The following MED12L variants were observed in gnomAD, a reference collection of about 807,000 sequenced individuals.
MED12L encodes the protein mediator complex subunit 12L.
Under a neutral mutation model 281.3 loss-of-function variants are expected in MED12L, and 60 were observed. The observed-to-expected ratio is 0.21, with a 90% CI of 0.17 to 0.26. The LOEUF is 0.26. Ranked by LOEUF, MED12L falls within the 10% of genes least tolerant of loss-of-function variation. The pLI, the probability that MED12L is intolerant of heterozygous loss-of-function variation, is 1.00. For missense variants in MED12L, 2,146 were observed against 2,680.9 expected (o/e 0.80, Z 4.41); for synonymous variants, 974 against 987.2 (o/e 0.99, Z 0.25).
chr3:151,201,250 C>T (rs942239343), intron 16 of MED12L, among the ~76,000 whole-genome samples: 2 of 152,122 alleles, frequency 1.3e-5, no homozygotes, highest in Admixed American at 6.5e-5. Flanking sequence ...CTCTCTCACA[C>T]GCACATTTAA....
chr3:151,323,742 A>G (rs1023941727), intron 16 of MED12L, among the ~76,000 whole-genome samples: 3 of 152,150 alleles, frequency 2.0e-5, no homozygotes, highest in Admixed American at 1.3e-4. Context: ...GTTCCTTACC[A>G]GTGTTCACCT....
chr3:151,207,075 C>T (rs373758146), intron 16 of MED12L, among the ~76,000 whole-genome samples: 79 of 145,746 alleles, frequency 5.4e-4, no homozygotes, highest in African/African-American at 1.9e-3. Context: ...AAGACAGGGT[C>T]GTCTTACGTT....
At chr3:151,280,412 C>A (rs901164959) in intron 16 of MED12L, among the ~76,000 whole-genome samples, 7 of 152,158 alleles carry the variant, frequency 4.6e-5, no homozygotes, top group African/African-American at 1.7e-4. Flanking sequence ...ACTTCTTCCC[C>A]ACCTTTTTCT....
At position 151,190,736 on chromosome 3, in the gene MED12L, T is replaced by C; in HGVS notation, c.1773T>C (p.Cys591=). 1 of 1,614,152 alleles carries C rather than the reference T, an allele frequency of 6.2e-7. No individual in the cohort carries two copies. Among genetic ancestry groups the C allele is most frequent in the Non-Finnish European group, 8.5e-7 (1 of 1,180,028 alleles). ...CTATAGCGGACCCAAACAGTGAATG[T>C]GAAAAGGTGGAATTTGTGAACCTGG... is the stretch of plus-strand genomic sequence containing the variant. The part of the protein sequence containing the change: ...APSLSDPNSE[C]EKVEFVNLVL... The change falls in exon 14 of 45, where the codon TGT becomes TGC. Residue 591 remains cysteine, a synonymous_variant. Transcript: ENST00000687756.
rs1436818421 is a variant in MED12L, at chr3:151,432,798, C to G, written c.6537C>G (p.His2179Gln). 1.2e-6 allele frequency: 2 copies of G among 1,612,702 alleles called. No homozygotes were observed. The highest frequency in any genetic ancestry group is 3.3e-5 in the Admixed American group (2 of 59,900). Residue 2179 changes from histidine to glutamine, a missense_variant, in exon 45 of 45, where the codon CAC becomes CAG. By Grantham distance (24) the His-to-Gln change is conservative (BLOSUM62 0). Around this residue, in one of 9 missense-constraint regions of MED12L, gnomAD observed 25 missense variants for 24.9 expected, o/e 1.00. Transcript: ENST00000687756. ...TGACTCCGTATGGGCATCCTTCACACTTCTGAATCTGCAAGAGGAGAAGAC... is the reference window on the plus strand; with the variant it reads ...TGACTCCGTATGGGCATCCTTCACAGTTCTGAATCTGCAAGAGGAGAAGAC... ...QGVTPYGHPSHF is the reference protein window; with the variant it reads ...QGVTPYGHPSQF
chr3:151,248,327 C>T (rs1427938602), intron 16 of MED12L, among the ~76,000 whole-genome samples: 1 of 152,082 alleles, frequency 6.6e-6, no homozygotes, highest in Non-Finnish European at 1.5e-5. Flanking sequence ...GTGACCCATG[C>T]ATTTAATATT....
chr3:151,322,661 A>G (rs1000870487), intron 16 of MED12L, among the ~76,000 whole-genome samples: 17 of 152,142 alleles, frequency 1.1e-4, no homozygotes, highest in African/African-American at 3.9e-4. Flanking sequence ...TTTAGAGTGT[A>G]TAATTCTGTT....
Position 151,411,232 on chromosome 3 carries a change from G to C in MED12L, c.5911-46G>C, listed in dbSNP as rs202155743. 721 of 1,533,106 alleles carry C rather than the reference G, an allele frequency of 4.7e-4. 4 individuals carry two copies. Among genetic ancestry groups the C allele is most frequent in the Middle Eastern group, 2.5e-3 (15 of 5,908 alleles). The allele number at this position is 1,533,106 out of a possible 1,614,324, so 95.0% of individuals were successfully genotyped here. A position where few individuals can be genotyped will look rare whatever the true frequency, so the allele number is the denominator to read the frequency against. On this transcript the variant is annotated intron_variant, in intron 40 of 44. Transcript: ENST00000687756. ...ATATATCGTAGTGATGGGAAAGCTA[G>C]GTGATAAGTTGAAACATTGACTTCT...
chr3:151,413,432 A>G, intron 42 of MED12L, 137 bp downstream of exon 42: 1 of 1,059,138 alleles, frequency 9.4e-7, no homozygotes, highest in Non-Finnish European at 1.3e-6. Context: ...GCTAGGAGCT[A>G]CATTGGTACA....
chr3:151,368,039 A>T, intron 24 of MED12L, 111 bp from the exon 25 acceptor site: 1 of 963,122 alleles, frequency 1.0e-6, no homozygotes, highest in Non-Finnish European at 1.5e-6. Flanking sequence ...TTCTTACCAT[A>T]AGGAAAATTT....
chr3:151,267,265 A>G (rs928057716), intron 16 of MED12L, among the ~76,000 whole-genome samples: 1 of 152,162 alleles, frequency 6.6e-6, no homozygotes, highest in African/African-American at 2.4e-5. Context: ...GTACATTGTC[A>G]TTTAGAAAGG....
At chr3:151,118,322 TG>T (rs1310636465) in intron 3 of MED12L, among the ~76,000 whole-genome samples, 4 of 152,172 alleles carry the variant, frequency 2.6e-5, no homozygotes, top group African/African-American at 9.7e-5. Flanking sequence ...TCTCTTTATG[TG>T]CACACAAATA....
Position 151,367,779 on chromosome 3 carries a change from C to A in MED12L, c.3448+13C>A. 6.3e-7 allele frequency: 1 copy of A among 1,595,048 alleles called. No homozygotes were observed. The highest frequency in any genetic ancestry group is 8.6e-7 in the Non-Finnish European group (1 of 1,168,820). ...CTTCTAGCAGCAGGTAAGGCAGCATCCATGAACATCCGTTGCTCTTTGATT... is the reference window on the plus strand; with the variant it reads ...CTTCTAGCAGCAGGTAAGGCAGCATACATGAACATCCGTTGCTCTTTGATT... On this transcript the variant is annotated intron_variant, in intron 24 of 44. Coordinates refer to ENST00000687756, the MANE Select transcript of MED12L (RefSeq NM_001393769.1).
Position 151,204,295 on chromosome 3 carries a change from A to G in MED12L, c.2250+10629A>G, listed in dbSNP as rs191268337. Among the ~76,000 whole-genome samples the G allele has an allele frequency of 6.6e-5, 10 of 152,344 alleles. No homozygotes were observed. The East Asian group carries it at 1.9e-3, about 29-fold the overall frequency. ...TAATCTCTTGGTATTAGTTTTTAAA[A>G]AGAAAAATGTCTCAAAAGATGAAAT... On this transcript the variant is annotated intron_variant, in intron 16 of 44. Coordinates refer to ENST00000687756, the MANE Select transcript of MED12L (RefSeq NM_001393769.1).
chr3:151,195,940 A>G (rs564186791), intron 16 of MED12L, among the ~76,000 whole-genome samples: 1 of 152,342 alleles, frequency 6.6e-6, no homozygotes, highest in African/African-American at 2.4e-5. Context: ...AAAGATGGCA[A>G]AATGTTGAAA....
At position 151,387,866 on chromosome 3, in the gene MED12L, G is replaced by A; in HGVS notation, c.5145G>A (p.Gln1715=). 1 of 1,614,106 alleles carries A rather than the reference G, an allele frequency of 6.2e-7. No individual in the cohort carries two copies. The highest frequency in any genetic ancestry group is 2.2e-5 in the East Asian group (1 of 44,882). The stretch of plus-strand genomic sequence containing the variant: ...CCCCGTGGGACTTGTTTGAGGGTCA[G>A]AAGAACCCAGCTCCTTTGTCCTGGG... ...KVSPWDLFEG[Q]KNPAPLSWAW... Residue 1715 remains glutamine, a synonymous_variant, in exon 37 of 45, where the codon CAG becomes CAA. Transcript: ENST00000687756.
At chr3:151,235,180 C>T (rs933357470) in intron 16 of MED12L, among the ~76,000 whole-genome samples, 2 of 152,156 alleles carry the variant, frequency 1.3e-5, no homozygotes, top group Non-Finnish European at 2.9e-5. Context: ...TTAACCTACC[C>T]ACTTGAGCTT....
intron 16 of MED12L, among the ~76,000 whole-genome samples, chr3:151,295,662 AGTT>A (rs1357965756): frequency 6.6e-6 from 1 of 152,182 alleles, no homozygotes; most frequent in Non-Finnish European, 1.5e-5. Flanking sequence ...CCCTTGCCTC[AGTT>A]TTAAGCTGTT....
Position 151,241,645 on chromosome 3 carries a change from TA to T in MED12L, c.2250+47980del, listed in dbSNP as rs1734108647. Among the ~76,000 whole-genome samples the T allele has an allele frequency of 3.3e-5, 5 of 152,186 alleles. No individual in the cohort carries two copies. In the South Asian group the frequency reaches 1.0e-3, roughly 32 times the overall value. Reference sequence around the variant, plus strand: ...GTGTGTATATACACACACAGTAGGATATTTTATATATGTATATACACACATA... The same window carrying T: ...GTGTGTATATACACACACAGTAGGATTTTTATATATGTATATACACACATA... On this transcript the variant is annotated intron_variant, in intron 16 of 44. Coordinates refer to ENST00000687756, the MANE Select transcript of MED12L (RefSeq NM_001393769.1).
Sources: allele counts gnomAD v4.1 joint callset (sites outside exome capture counted in the v4.1 genomes callset), GRCh38; gene constraint gnomAD v4.1.1; regional missense constraint gnomAD v4.1.1; transcripts MANE v1.5; gene names NCBI Gene and HGNC (gene_info 2026-07-23, HGNC 2026-07-21).